FAM135B: variants seen among roughly 807,000 people sequenced by gnomAD.
FAM135B encodes family with sequence similarity 135 member B, also known as protein FAM135B.
In FAM135B, 43 loss-of-function variants were observed where a neutral mutation model predicts 127.7. The ratio of observed to expected loss-of-function variants is 0.34; its 90% CI spans 0.26 to 0.43. The LOEUF is 0.43. Among genes scored for constraint, FAM135B ranks in the 20% least tolerant of loss-of-function variants. The pLI is 1.00. For synonymous variants in FAM135B, 670 were observed against 665.1 expected, an observed-to-expected ratio of 1.01 and a Z score of -0.11; for missense variants, 1,558 against 1,725.6, an observed-to-expected ratio of 0.90 and a Z score of 1.72.
intron 3 of FAM135B, among the ~76,000 whole-genome samples, chr8:138,290,823 A>C (rs570807165): frequency 1.4e-4 from 22 of 152,230 alleles, no homozygotes; most frequent in African/African-American, 4.6e-4. Flanking sequence ...TGAGATGAGG[A>C]GACTGCAGCT....
intron 1 of FAM135B, among the ~76,000 whole-genome samples, chr8:138,457,798 C>T (rs1836878235): frequency 2.6e-5 from 4 of 152,106 alleles, no homozygotes; most frequent in East Asian, 1.9e-4. Flanking sequence ...ATGGCAAAAT[C>T]CCATCTCTAC....
intron 1 of FAM135B, among the ~76,000 whole-genome samples, chr8:138,395,616 C>G (rs1026790980): frequency 6.6e-6 from 1 of 152,140 alleles, no homozygotes; most frequent in Non-Finnish European, 1.5e-5. Flanking sequence ...GCACAAGTGT[C>G]CCATGCAAAA....
intron 11 of FAM135B, among the ~76,000 whole-genome samples, chr8:138,172,485 C>T (rs561567065): frequency 6.6e-6 from 1 of 152,356 alleles, no homozygotes; most frequent in South Asian, 2.1e-4. Flanking sequence ...TCCTTTAACA[C>T]CCTACTTTAG....
chr8:138,174,161 T>C (rs561444400), intron 11 of FAM135B, among the ~76,000 whole-genome samples: 1 of 152,268 alleles, frequency 6.6e-6, no homozygotes, highest in Admixed American at 6.5e-5. Context: ...AGAAGCACTG[T>C]TCCAAATACA....
rs112049908 is a variant in FAM135B at position 138,259,152 on chromosome 8, T to C, written c.298-2393A>G. 3.7e-3 allele frequency among the ~76,000 whole-genome samples: 570 copies of C among 152,266 alleles called. 5 individuals are homozygous for C. The highest frequency in any genetic ancestry group is 0.017 in the Middle Eastern group (5 of 294). On this transcript the variant is annotated intron_variant, in intron 4 of 19. Coordinates refer to ENST00000395297, the MANE Select transcript of FAM135B (RefSeq NM_015912.4). The stretch of plus-strand genomic sequence containing the variant: ...TGAGAGTCCCACATCCCAAATGCTG[T>C]CAAGGGCTCCATTTCTTTGGCCTTC...
chr8:138,478,394 T>C (rs1346029742), intron 1 of FAM135B, among the ~76,000 whole-genome samples: 1 of 152,194 alleles, frequency 6.6e-6, no homozygotes, highest in Non-Finnish European at 1.5e-5. Context: ...TGGGGGTGCA[T>C]ATTACCTCCT....
intron 1 of FAM135B, among the ~76,000 whole-genome samples, chr8:138,435,915 AT>A (rs1258483192): frequency 5.9e-5 from 9 of 152,144 alleles, no homozygotes; most frequent in Non-Finnish European, 1.5e-5. Flanking sequence ...GGGGATCTGG[AT>A]TTAGCAGATA....
At chr8:138,199,271 G>A (rs1816917697) in intron 7 of FAM135B, among the ~76,000 whole-genome samples, 3 of 152,142 alleles carry the variant, frequency 2.0e-5, no homozygotes, top group Admixed American at 2.0e-4. Flanking sequence ...TGTGATGCAG[G>A]GTGCTACCAA....
intron 7 of FAM135B, among the ~76,000 whole-genome samples, chr8:138,201,981 C>G (rs1817162039): frequency 1.3e-5 from 2 of 151,968 alleles, no homozygotes; most frequent in African/African-American, 2.4e-5. Flanking sequence ...CAAAATTAGT[C>G]AGGCGTGGTG....
intron 3 of FAM135B, among the ~76,000 whole-genome samples, chr8:138,266,474 T>C (rs989941174): frequency 1.3e-5 from 2 of 151,982 alleles, no homozygotes; most frequent in African/African-American, 2.4e-5. Flanking sequence ...ACAAGACAAA[T>C]CTATGCAATG....
rs766940870 is a variant in FAM135B, at chr8:138,265,848, A to G, written c.158-6T>C. On this transcript the variant is annotated splice_region_variant and splice_polypyrimidine_tract_variant and intron_variant, in intron 3 of 19. Coordinates refer to ENST00000395297, the MANE Select transcript of FAM135B (RefSeq NM_015912.4). The stretch of plus-strand genomic sequence containing the variant: ...TGAATGCAGGCTGCTGCTCTCTGCA[A>G]AACAAGAATCAGTAGGAACCCATGA... 6.2e-7 allele frequency: 1 copy of G among 1,612,872 alleles called. No individual in the cohort carries two copies.
At chr8:138,357,928 T>C (rs970261576) in intron 2 of FAM135B, among the ~76,000 whole-genome samples, 1 of 152,146 alleles carries the variant, frequency 6.6e-6, no homozygotes, top group African/African-American at 2.4e-5. Flanking sequence ...TGTCCGTTAG[T>C]ATATTAACCC....
chr8:138,159,501 A>G (rs1411379536), intron 12 of FAM135B, among the ~76,000 whole-genome samples: 1 of 150,580 alleles, frequency 6.6e-6, no homozygotes. Context: ...AACTATCGCA[A>G]GGACAGAAAA....
At chr8:138,142,599 C>T (rs1317243287) in intron 16 of FAM135B, among the ~76,000 whole-genome samples, 7 of 152,088 alleles carry the variant, frequency 4.6e-5, no homozygotes, top group South Asian at 2.1e-4. Flanking sequence ...CCACCGCGCC[C>T]GGCCTTTTTC....
intron 14 of FAM135B, among the ~76,000 whole-genome samples, chr8:138,147,034 A>T (rs907349437): frequency 3.3e-5 from 5 of 152,160 alleles, no homozygotes; most frequent in African/African-American, 1.2e-4. Context: ...GTTATCTCTA[A>T]TGCTTAAGGA....
Position 138,141,161 on chromosome 8 carries a change from T to G in FAM135B, c.3790+37A>C, listed in dbSNP as rs563737948. The G allele has an allele frequency of 6.8e-6, 11 of 1,608,674 alleles. No homozygotes were observed. The East Asian group carries it at 2.5e-4, about 36-fold the overall frequency. On this transcript the variant is annotated intron_variant, in intron 17 of 19. Coordinates refer to ENST00000395297, the MANE Select transcript of FAM135B (RefSeq NM_015912.4). This position sits in a 1 kb window ranked among gnomAD's most constrained non-coding sequence, Gnocchi z 4.7. ...GTTTCACGCCCCAGAGGCCCCAGAT[T>G]AATTCTGAGGAATGACGAGTCCTAG...
intron 1 of FAM135B, among the ~76,000 whole-genome samples, chr8:138,470,733 A>G (rs1366985991): frequency 2.0e-5 from 3 of 152,204 alleles, no homozygotes; most frequent in Non-Finnish European, 2.9e-5. Context: ...ATTTGAAAGG[A>G]CAAGTGAGGA....
At chr8:138,226,925 G>A (rs1379844891) in intron 7 of FAM135B, among the ~76,000 whole-genome samples, 2 of 151,786 alleles carry the variant, frequency 1.3e-5, no homozygotes, top group East Asian at 1.9e-4. Context: ...TCAAACTCCT[G>A]ACCTCAAATG....
chr8:138,184,879 A>G lies in FAM135B; in HGVS notation c.874-6189T>C, dbSNP rs1586714572. Among the ~76,000 whole-genome samples, 4 of 152,334 alleles carry G rather than the reference A, an allele frequency of 2.6e-5. 1 individual carries two copies. The Middle Eastern group carries it at 0.01, about 389-fold the overall frequency. On this transcript the variant is annotated intron_variant, in intron 9 of 19. Coordinates refer to ENST00000395297, the MANE Select transcript of FAM135B (RefSeq NM_015912.4). ...ATCTCTTGCCCCACCTCAGCTCAAA[A>G]GAATCAGAATGCACATTTTAACAAG...
Sources: allele counts gnomAD v4.1 joint callset (sites outside exome capture counted in the v4.1 genomes callset), GRCh38; gene constraint gnomAD v4.1.1; non-coding constraint Gnocchi (gnomAD v3.1); transcripts MANE v1.5; gene names NCBI Gene and HGNC (gene_info 2026-07-23, HGNC 2026-07-21).